The following SCFD2 variants were observed in gnomAD, a reference collection of about 807,000 sequenced individuals.
SCFD2 encodes the protein sec1 family domain-containing protein 2.
A neutral mutation model predicts 58.9 loss-of-function variants in SCFD2; 54 were observed. That is an observed-to-expected ratio of 0.92 (90% CI 0.74 to 1.15). The LOEUF (loss-of-function observed/expected upper bound fraction) is 1.15. SCFD2 is among the 50% of genes most tolerant of loss of function. The pLI, the probability that SCFD2 is intolerant of heterozygous loss-of-function variation, is 0.00. For missense variants in SCFD2, 805 were observed against 836.6 expected (o/e 0.96, Z 0.47); for synonymous variants, 321 against 335.9 (o/e 0.96, Z 0.49).
At chr4:52,979,373 C>T (rs1254237412) in intron 5 of SCFD2, among the ~76,000 whole-genome samples, 1 of 152,024 alleles carries the variant, frequency 6.6e-6, no homozygotes, top group East Asian at 1.9e-4. Flanking sequence ...ATTAAAAGTT[C>T]ACACTTACAT....
chr4:52,910,115 G>A (rs1269721490), intron 6 of SCFD2, among the ~76,000 whole-genome samples: 1 of 152,210 alleles, frequency 6.6e-6, no homozygotes, highest in East Asian at 1.9e-4. Context: ...TTACCAGCTG[G>A]CTAAAAGACT....
At chr4:53,327,174 G>A (rs555615999) in intron 2 of SCFD2, among the ~76,000 whole-genome samples, 14 of 152,138 alleles carry the variant, frequency 9.2e-5, no homozygotes, top group Non-Finnish European at 1.9e-4. Flanking sequence ...ATCGTCTTGG[G>A]GAGGGTTGGT....
At chr4:53,328,641 A>G (rs1234202945) in intron 2 of SCFD2, among the ~76,000 whole-genome samples, 8 of 152,246 alleles carry the variant, frequency 5.3e-5, no homozygotes, top group Non-Finnish European at 7.3e-5. Context: ...ATCTTACCAG[A>G]AAATATCAAT....
chr4:52,873,184 T>A lies in SCFD2; in HGVS notation c.*785A>T, dbSNP rs1333827219. The A allele has an allele frequency of 6.6e-6, 1 of 152,204 alleles. No homozygotes were observed. The highest frequency in any genetic ancestry group is 1.5e-5 in the Non-Finnish European group (1 of 68,034). The allele number at this position is 152,204 out of a possible 1,614,324, so 9.4% of individuals were successfully genotyped here. ...GAAAGCTTTATATTTCAATCAAAAC[T>A]CATACCCACAAAGTCCACAGGGGTT... On this transcript the variant is annotated 3_prime_UTR_variant, in exon 9 of 9. Transcript: ENST00000401642.
chr4:53,198,104 A>T (rs1344448273), intron 4 of SCFD2, among the ~76,000 whole-genome samples: 2 of 152,022 alleles, frequency 1.3e-5, no homozygotes, highest in Non-Finnish European at 2.9e-5. Flanking sequence ...TATAATGGCA[A>T]TTTTTTTCCA....
At chr4:53,051,203 A>G (rs1723182875) in intron 5 of SCFD2, among the ~76,000 whole-genome samples, 1 of 152,194 alleles carries the variant, frequency 6.6e-6, no homozygotes. Flanking sequence ...ACAAAAAGCA[A>G]CAAAGGTTTG....
chr4:53,342,604 A>C (rs1468007515), intron 2 of SCFD2, among the ~76,000 whole-genome samples: 1 of 152,194 alleles, frequency 6.6e-6, no homozygotes. Flanking sequence ...TGCACCAAGC[A>C]GACCTAATAG....
intron 4 of SCFD2, among the ~76,000 whole-genome samples, chr4:53,218,961 T>C (rs1369607474): frequency 6.6e-6 from 1 of 152,230 alleles, no homozygotes; most frequent in Non-Finnish European, 1.5e-5. Flanking sequence ...CGAATATTGC[T>C]GAACAGCAAA....
intron 4 of SCFD2, among the ~76,000 whole-genome samples, chr4:53,175,965 T>G (rs1180730319): frequency 6.6e-6 from 1 of 152,226 alleles, no homozygotes; most frequent in Non-Finnish European, 1.5e-5. Flanking sequence ...ATTGAGATGA[T>G]TCTTCTCCCA....
At chr4:53,028,620 T>C (rs1488975179) in intron 5 of SCFD2, among the ~76,000 whole-genome samples, 1 of 152,096 alleles carries the variant, frequency 6.6e-6, no homozygotes, top group Admixed American at 6.6e-5. Context: ...ATGCTTCTTA[T>C]TCAATAGAGA....
intron 4 of SCFD2, among the ~76,000 whole-genome samples, chr4:53,215,601 T>C (rs1181871254): frequency 6.6e-6 from 1 of 152,130 alleles, no homozygotes. Context: ...ACAGGGACAA[T>C]TTGACTTCCT....
chr4:53,257,227 G>A (rs1403822409), intron 4 of SCFD2, among the ~76,000 whole-genome samples: 4 of 152,156 alleles, frequency 2.6e-5, no homozygotes, highest in East Asian at 1.9e-4. Context: ...GGCTCCAGAA[G>A]GCAGCCTTTT....
intron 4 of SCFD2, among the ~76,000 whole-genome samples, chr4:53,237,650 C>T (rs1729685716): frequency 7.4e-6 from 1 of 135,302 alleles, no homozygotes; most frequent in South Asian, 2.5e-4. Context: ...GGGGCTGACC[C>T]CCCCACCTCC....
intron 4 of SCFD2, among the ~76,000 whole-genome samples, chr4:53,251,834 T>A (rs988182975): frequency 1.3e-4 from 20 of 151,682 alleles, no homozygotes; most frequent in African/African-American, 4.8e-4. Context: ...AAGACAGGGA[T>A]GCCCTCTCTC....
chr4:53,301,889 C>T (rs1732315791), intron 3 of SCFD2, among the ~76,000 whole-genome samples: 1 of 152,092 alleles, frequency 6.6e-6, no homozygotes, highest in Non-Finnish European at 1.5e-5. Context: ...AGGCCTTTGA[C>T]AAAATTCAAC....
chr4:53,064,749 C>T (rs569681644), intron 5 of SCFD2, among the ~76,000 whole-genome samples: 2 of 152,200 alleles, frequency 1.3e-5, no homozygotes, highest in Admixed American at 1.3e-4. Context: ...GGTCTGAATT[C>T]CAGCTCCACC....
chr4:53,218,068 C>T (rs949556349), intron 4 of SCFD2, among the ~76,000 whole-genome samples: 5 of 152,136 alleles, frequency 3.3e-5, no homozygotes, highest in African/African-American at 1.2e-4. Context: ...CTCTGGCTGC[C>T]CTGAACATTT....
intron 2 of SCFD2, among the ~76,000 whole-genome samples, chr4:53,349,952 C>A (rs13130337): frequency 3.3e-5 from 5 of 151,916 alleles, no homozygotes; most frequent in Admixed American, 6.5e-5. Flanking sequence ...CCAAGTCTAA[C>A]TGTATGCGTT....
intron 2 of SCFD2, 94 bp from the exon 3 acceptor site, chr4:53,313,857 G>T (rs1431148650): frequency 1.6e-6 from 2 of 1,213,872 alleles, no homozygotes; most frequent in African/African-American, 1.5e-5. Context: ...ATATTTTTGA[G>T]CATTAATGTA....
Sources: allele counts gnomAD v4.1 joint callset (sites outside exome capture counted in the v4.1 genomes callset), GRCh38; gene constraint gnomAD v4.1.1; transcripts MANE v1.5; gene names NCBI Gene and HGNC (gene_info 2026-07-23, HGNC 2026-07-21).